The following AEBP2 variants were observed in gnomAD, a reference collection of about 807,000 sequenced individuals.
The protein encoded by AEBP2 is zinc finger protein AEBP2.
In AEBP2, 10 loss-of-function variants were observed where a neutral mutation model predicts 50.8. That is an observed-to-expected ratio of 0.20 (90% CI 0.12 to 0.33). The LOEUF (loss-of-function observed/expected upper bound fraction) is 0.33. AEBP2 is among the 10% of genes least tolerant of loss of function. The probability of loss-of-function intolerance (pLI) is 1.00; values close to 1 mark genes in which losing one functional copy is unlikely to be tolerated. For missense variants in AEBP2, 570 were observed against 688.0 expected (o/e 0.83, Z 1.92); for synonymous variants, 296 against 261.3 (o/e 1.13, Z -1.28).
Position 19,462,586 on chromosome 12 carries a change from G to A in AEBP2, c.748G>A (p.Gly250Arg). 6.2e-7 allele frequency: 1 copy of A among 1,613,832 alleles called. No individual in the cohort carries two copies. The highest frequency in any genetic ancestry group is 8.5e-7 in the Non-Finnish European group (1 of 1,179,844). The change falls in exon 2 of 8, where the codon GGA becomes AGA. Residue 250 changes from glycine to arginine, a missense_variant. Transcript: ENST00000266508. ...RSTPAMMNGQ[G>R]STTSSSKNIA... Reference sequence around the variant, plus strand: ...AACTCCAGCAATGATGAATGGACAAGGAAGCACTACTTCTTCAAGCAAAAA... The same window carrying A: ...AACTCCAGCAATGATGAATGGACAAAGAAGCACTACTTCTTCAAGCAAAAA...
intron 1 of AEBP2, among the ~76,000 whole-genome samples, chr12:19,434,477 G>T (rs764663776): frequency 6.6e-6 from 1 of 151,600 alleles, no homozygotes; most frequent in African/African-American, 2.4e-5. Flanking sequence ...CTGGCCCTTA[G>T]ATTAGTAATT....
intron 2 of AEBP2, among the ~76,000 whole-genome samples, chr12:19,470,238 A>C (rs956134284): frequency 6.6e-6 from 1 of 151,130 alleles, no homozygotes; most frequent in Non-Finnish European, 1.5e-5. Flanking sequence ...GCTCACTGGA[A>C]CCTCCCCCTC....
Position 19,518,825 on chromosome 12 carries a change from C to A in AEBP2, c.*708C>A. 2.2e-6 allele frequency: 2 copies of A among 929,230 alleles called. No homozygotes were observed. The highest frequency in any genetic ancestry group is 2.6e-5 in the Admixed American group (1 of 37,868). 57.6% of individuals were successfully genotyped at this position (929,230 alleles called of 1,614,324 possible). Reference sequence around the variant, plus strand: ...GGTGGCTCCCTTTTCAGGACTAGGGCTTTCTCATGGAGTACAGTATGTTAA... The same window carrying A: ...GGTGGCTCCCTTTTCAGGACTAGGGATTTCTCATGGAGTACAGTATGTTAA... On this transcript the variant is annotated 3_prime_UTR_variant, in exon 8 of 8. Transcript: ENST00000266508.
At chr12:19,428,235 C>A (rs10770482) in intron 1 of AEBP2, among the ~76,000 whole-genome samples, 62,339 of 151,954 alleles carry the variant, frequency 0.41, 14,291 homozygotes, top group Non-Finnish European at 0.54. Flanking sequence ...GACCCTGTCT[C>A]AAAAAAATAA....
At chr12:19,494,778 A>T in intron 4 of AEBP2, among the ~76,000 whole-genome samples, 1 of 152,124 alleles carries the variant, frequency 6.6e-6, no homozygotes. Flanking sequence ...TGTATCCTTG[A>T]TGTTTAGGAT....
chr12:19,473,395 T>TAATC, intron 3 of AEBP2, 40 bp downstream of exon 3: 1 of 642,950 alleles, frequency 1.6e-6, no homozygotes, highest in Non-Finnish European at 2.1e-6. Flanking sequence ...ATTTATTTAT[T>TAATC]TATTTATTTA....
intron 4 of AEBP2, among the ~76,000 whole-genome samples, chr12:19,499,632 A>G (rs901514706): frequency 2.9e-4 from 44 of 151,716 alleles, no homozygotes; most frequent in African/African-American, 1.0e-3. Context: ...AAAAAAAAAA[A>G]CCTCAAAATA....
intron 2 of AEBP2, among the ~76,000 whole-genome samples, chr12:19,464,640 G>A (rs972615929): frequency 6.6e-6 from 1 of 151,648 alleles, no homozygotes; most frequent in African/African-American, 2.4e-5. Flanking sequence ...AGGCTGGAGG[G>A]TAATGGTGCG....
intron 3 of AEBP2, among the ~76,000 whole-genome samples, chr12:19,484,250 ATTT>A (rs59403434): frequency 0.056 from 6,024 of 107,552 alleles, 302 homozygotes; most frequent in Admixed American, 0.15. Flanking sequence ...CGCCCAGCCA[ATTT>A]TTTTTTTTTT....
At chr12:19,463,775 C>A (rs931761647) in intron 2 of AEBP2, among the ~76,000 whole-genome samples, 2 of 147,234 alleles carry the variant, frequency 1.4e-5, no homozygotes, top group African/African-American at 2.5e-5. Flanking sequence ...AAGTGATTCT[C>A]CTGCCTCAGC....
At chr12:19,473,989 C>G (rs935608181) in intron 3 of AEBP2, among the ~76,000 whole-genome samples, 3 of 151,806 alleles carry the variant, frequency 2.0e-5, no homozygotes, top group African/African-American at 7.3e-5. Context: ...ATTATGTTTT[C>G]TTATTGTTAA....
intron 3 of AEBP2, among the ~76,000 whole-genome samples, chr12:19,482,056 T>C (rs1948737845): frequency 6.6e-6 from 1 of 152,210 alleles, no homozygotes; most frequent in Admixed American, 6.5e-5. Flanking sequence ...CTTTTCTGGT[T>C]CCTTCTCATT....
intron 3 of AEBP2, among the ~76,000 whole-genome samples, chr12:19,474,257 A>G (rs1036424997): frequency 6.6e-6 from 1 of 152,228 alleles, no homozygotes; most frequent in Non-Finnish European, 1.5e-5. Flanking sequence ...GGAAAGCAGC[A>G]TATACCATAG....
chr12:19,506,553 A>T (rs1323627266), intron 5 of AEBP2, among the ~76,000 whole-genome samples: 1 of 152,208 alleles, frequency 6.6e-6, no homozygotes, highest in Non-Finnish European at 1.5e-5. Flanking sequence ...TTAAGATAGA[A>T]TAGTTCCAGC....
chr12:19,500,363 CATT>C, intron 5 of AEBP2, 142 bp downstream of exon 5: 1 of 869,332 alleles, frequency 1.2e-6, no homozygotes, highest in Non-Finnish European at 1.7e-6. Context: ...GTATTTAAAA[CATT>C]GTATTATTGG....
chr12:19,440,396 T>TCCCTTCCTCCTC, intron 1 of AEBP2, 26 bp downstream of exon 1: 5 of 1,464,596 alleles, frequency 3.4e-6, no homozygotes, highest in Non-Finnish European at 4.5e-6. Context: ...CGTTTCCCCT[T>TCCCTTCCTCCTC]CCCTTCCTCC....
intron 2 of AEBP2, among the ~76,000 whole-genome samples, chr12:19,472,361 C>T (rs1000255379): frequency 6.6e-6 from 1 of 151,986 alleles, no homozygotes; most frequent in Non-Finnish European, 1.5e-5. Flanking sequence ...CCTTCTTTAC[C>T]TGATGTTGGG....
At chr12:19,428,895 T>C (rs527864978) in intron 1 of AEBP2, among the ~76,000 whole-genome samples, 3 of 152,002 alleles carry the variant, frequency 2.0e-5, no homozygotes, top group Admixed American at 1.3e-4. Flanking sequence ...TTCCAGCACG[T>C]TGGGAGGCCA....
At position 19,513,892 on chromosome 12, in the gene AEBP2, A is replaced by ATT. The variant is rs34664301; in HGVS notation, c.1368-763_1368-762dup. Among the ~76,000 whole-genome samples, 4 of 100,342 alleles carry ATT rather than the reference A, an allele frequency of 4.0e-5. No homozygotes were observed. In the East Asian group the frequency reaches 1.1e-3, roughly 28 times the overall value. The allele number at this position is 100,342 out of a possible 152,430, so 65.8% of individuals were successfully genotyped here. A position where few individuals can be genotyped will look rare whatever the true frequency, so the allele number is the denominator to read the frequency against. ...TGAATTCAGTGTTATGGCCGCATGC[A>ATT]TTTTTTTTTTTTTTTTTAATGGAGT... is the stretch of plus-strand genomic sequence containing the variant. On this transcript the variant is annotated intron_variant, in intron 6 of 7. Transcript: ENST00000266508.
Sources: allele counts gnomAD v4.1 joint callset (sites outside exome capture counted in the v4.1 genomes callset), GRCh38; gene constraint gnomAD v4.1.1; transcripts MANE v1.5; gene names NCBI Gene and HGNC (gene_info 2026-07-23, HGNC 2026-07-21).